Variants in GFRA1 observed in about 807,000 individuals in gnomAD.
GFRA1 encodes the protein GDNF family receptor alpha-1.
GFRA1 carries 16 observed loss-of-function variants against 51.6 expected under a neutral mutation model. The observed-to-expected ratio is 0.31, with a 90% confidence interval of 0.21 to 0.47. GFRA1 has a LOEUF of 0.47. Among genes scored for constraint, GFRA1 ranks in the 20% least tolerant of loss-of-function variants. The pLI is 1.00. For synonymous variants in GFRA1, 270 were observed against 241.3 expected (o/e 1.12, Z -1.10); for missense variants, 530 against 594.3 (o/e 0.89, Z 1.13).
intron 5 of GFRA1, among the ~76,000 whole-genome samples, chr10:116,157,084 C>A (rs1050814235): frequency 3.3e-5 from 5 of 152,180 alleles, no homozygotes; most frequent in Non-Finnish European, 7.3e-5. Context: ...AAGGTAAGAA[C>A]TCCGTGAAAA....
intron 9 of GFRA1, among the ~76,000 whole-genome samples, chr10:116,069,428 G>A (rs752370928): frequency 6.6e-6 from 1 of 152,066 alleles, no homozygotes; most frequent in Non-Finnish European, 1.5e-5. Flanking sequence ...ATACTAGAGA[G>A]GCCTGTCCCC....
Position 116,272,985 on chromosome 10 carries a change from C to G in GFRA1, c.-247+178G>C, listed in dbSNP as rs1166030856. ...GGGCGAGCGCGCCGGCCCGCAGTCC[C>G]GGCGTGCCCCGGCAGGTGCAGCCCG... On this transcript the variant is annotated intron_variant, in intron 1 of 10. Coordinates refer to ENST00000355422, the MANE Select transcript of GFRA1 (RefSeq NM_005264.8). The surrounding 1 kb of genome is among the most constrained non-coding windows in gnomAD (Gnocchi z 4.4). 5.9e-5 allele frequency: 9 copies of G among 152,138 alleles called. No individual in the cohort carries two copies. The highest frequency in any genetic ancestry group is 5.2e-4 in the Admixed American group (8 of 15,282). The allele number at this position is 152,138 out of a possible 1,614,324, so 9.4% of individuals were successfully genotyped here.
chr10:116,205,623 A>G (rs2134411989), intron 5 of GFRA1, among the ~76,000 whole-genome samples: 1 of 140,696 alleles, frequency 7.1e-6, no homozygotes, highest in South Asian at 2.3e-4. Flanking sequence ...ATATATATAT[A>G]TATTCTTTAA....
chr10:116,163,659 CCA>C (rs1960065458), intron 5 of GFRA1, among the ~76,000 whole-genome samples: 1 of 152,182 alleles, frequency 6.6e-6, no homozygotes, highest in African/African-American at 2.4e-5. Context: ...GCCCACAGAC[CCA>C]GAGAACACAG....
chr10:116,204,127 G>C (rs903017245), intron 5 of GFRA1, among the ~76,000 whole-genome samples: 9 of 152,198 alleles, frequency 5.9e-5, no homozygotes, highest in African/African-American at 2.2e-4. Flanking sequence ...CCCTTCTCTA[G>C]GTGTCAAGAA....
chr10:116,108,083 A>T (rs1461174115), intron 6 of GFRA1, among the ~76,000 whole-genome samples: 1 of 152,086 alleles, frequency 6.6e-6, no homozygotes, highest in Non-Finnish European at 1.5e-5. Flanking sequence ...TGGTGAATGG[A>T]TTTCTGAATG....
chr10:116,269,519 C>A lies in GFRA1; in HGVS notation c.402G>T (p.Val134=), dbSNP rs774429678. The change falls in exon 4 of 11, where the codon GTG becomes GTT. Residue 134 remains valine (V), a synonymous_variant. Coordinates refer to ENST00000355422, the MANE Select transcript of GFRA1 (RefSeq NM_005264.8). ...TCTGCTTACCTGATATGAATGGGAC[C>A]ACCCGGAATATATCTGACAATCTGC... The part of the protein sequence containing the change: ...VNSRLSDIFR[V]VPFISDVFQQ... 116 of 1,597,024 alleles carry A rather than the reference C, an allele frequency of 7.3e-5. No homozygotes were observed. The highest frequency in any genetic ancestry group is 5.8e-4 in the Admixed American group (35 of 59,990).
At chr10:116,181,279 G>A (rs540350542) in intron 5 of GFRA1, among the ~76,000 whole-genome samples, 1 of 152,184 alleles carries the variant, frequency 6.6e-6, no homozygotes, top group East Asian at 1.9e-4. Context: ...TACAGAATGA[G>A]AGAATGGGGC....
At chr10:116,106,190 T>G (rs1397420960) in intron 6 of GFRA1, among the ~76,000 whole-genome samples, 1 of 152,300 alleles carries the variant, frequency 6.6e-6, no homozygotes, top group East Asian at 1.9e-4. Context: ...GCTGACACCT[T>G]GATTTCAGCC....
At position 116,095,065 on chromosome 10, in the gene GFRA1, G is replaced by GT. The variant is rs1835470003; in HGVS notation, c.881-1230dup. On this transcript the variant is annotated intron_variant, in intron 7 of 10. Transcript: ENST00000355422. Reference sequence around the variant, plus strand: ...CCCTCCATTCATCATCCTTAGGTGCGTAAGGGTTTAAGGTTTGCCAAGCCT... The same window carrying GT: ...CCCTCCATTCATCATCCTTAGGTGCGTTAAGGGTTTAAGGTTTGCCAAGCCT... Among the ~76,000 whole-genome samples the GT allele has an allele frequency of 3.3e-5, 5 of 152,266 alleles. No individual in the cohort carries two copies. In the South Asian group the frequency reaches 1.0e-3, roughly 32 times the overall value.
chr10:116,207,453 C>T (rs1322168875), intron 5 of GFRA1, among the ~76,000 whole-genome samples: 1 of 152,202 alleles, frequency 6.6e-6, no homozygotes, highest in African/African-American at 2.4e-5. Context: ...CCTCACTCTG[C>T]AGAGCTGGGG....
At chr10:116,152,461 G>A (rs138253884) in intron 5 of GFRA1, among the ~76,000 whole-genome samples, 9 of 152,268 alleles carry the variant, frequency 5.9e-5, no homozygotes, top group Non-Finnish European at 1.2e-4. Flanking sequence ...GTGTCACATG[G>A]TGGGAGTAGG....
chr10:116,252,247 G>T (rs989194945), intron 4 of GFRA1, among the ~76,000 whole-genome samples: 1 of 151,904 alleles, frequency 6.6e-6, no homozygotes, highest in Non-Finnish European at 1.5e-5. Flanking sequence ...CCCACAATAC[G>T]AGCAGCAAGC....
intron 5 of GFRA1, among the ~76,000 whole-genome samples, chr10:116,191,319 G>T (rs1314686319): frequency 6.6e-6 from 1 of 152,190 alleles, no homozygotes; most frequent in African/African-American, 2.4e-5. Flanking sequence ...CCTCGGCTCT[G>T]TTCTTTCACA....
chr10:116,072,354 AG>A (rs1955439395), intron 9 of GFRA1, among the ~76,000 whole-genome samples: 1 of 152,178 alleles, frequency 6.6e-6, no homozygotes, highest in African/African-American at 2.4e-5. Flanking sequence ...TTGCAGGGAA[AG>A]GGACAGGTTG....
chr10:116,218,994 T>C (rs1323694333), intron 4 of GFRA1, among the ~76,000 whole-genome samples: 5 of 152,080 alleles, frequency 3.3e-5, no homozygotes, highest in Non-Finnish European at 7.3e-5. Flanking sequence ...TGTCTTTTAT[T>C]TGTGGATAAG....
Position 116,096,667 on chromosome 10 carries a change from A to G in GFRA1, c.868T>C (p.Ser290Pro), listed in dbSNP as rs755755762. The change falls in exon 7 of 11, where the codon TCG becomes CCG. Residue 290 changes from serine (S) to proline (P), a missense_variant. By Grantham distance (74) the Ser-to-Pro change is moderately conservative. Transcript: ENST00000355422. ...TCTCGGATCTTACCAATAAGCCCCGAGTAGGCGAGGAGGCAGTCAGCGTAG... is the reference window on the plus strand; with the variant it reads ...TCTCGGATCTTACCAATAAGCCCCGGGTAGGCGAGGAGGCAGTCAGCGTAG... ...ENYADCLLAY[S>P]GLIGTVMTPN... 1 of 1,586,200 alleles carries G rather than the reference A, an allele frequency of 6.3e-7. No individual in the cohort carries two copies. Among genetic ancestry groups the G allele is most frequent in the Non-Finnish European group, 8.7e-7 (1 of 1,155,000 alleles).
Position 116,156,292 on chromosome 10 carries a change from G to A in GFRA1, c.434-30735C>T, listed in dbSNP as rs150202445. ...TCATTTCAAAAGGAGGAAATGACAGGTCATTAGGAGGAATTTCAAACGAAG... is the reference window on the plus strand; with the variant it reads ...TCATTTCAAAAGGAGGAAATGACAGATCATTAGGAGGAATTTCAAACGAAG... On this transcript the variant is annotated intron_variant, in intron 5 of 10. Coordinates refer to ENST00000355422, the MANE Select transcript of GFRA1 (RefSeq NM_005264.8). Among the ~76,000 whole-genome samples, 346 of 152,336 alleles carry A rather than the reference G, an allele frequency of 2.3e-3. 1 individual carries two copies. The highest frequency in any genetic ancestry group is 8.0e-3 in the African/African-American group (333 of 41,576).
chr10:116,262,022 G>T (rs1171460711), intron 4 of GFRA1, among the ~76,000 whole-genome samples: 1 of 152,154 alleles, frequency 6.6e-6, no homozygotes, highest in African/African-American at 2.4e-5. Context: ...TTGAGAATTT[G>T]CTACTGTGTC....
Sources: allele counts gnomAD v4.1 joint callset (sites outside exome capture counted in the v4.1 genomes callset), GRCh38; gene constraint gnomAD v4.1.1; non-coding constraint Gnocchi (gnomAD v3.1); transcripts MANE v1.5; gene names NCBI Gene and HGNC (gene_info 2026-07-23, HGNC 2026-07-21).